The following PCDHA3 variants were observed in gnomAD, a reference collection of about 807,000 sequenced individuals.
PCDHA3 encodes protocadherin alpha 3.
Under a neutral mutation model 62.2 loss-of-function variants are expected in PCDHA3, and 41 were observed. The ratio of observed to expected loss-of-function variants is 0.66; its 90% CI spans 0.51 to 0.86. PCDHA3 has a LOEUF of 0.86. Among genes scored for constraint, PCDHA3 ranks in the 40% least tolerant of loss-of-function variants. PCDHA3 has a pLI of 0.00. For missense variants in PCDHA3, 1,304 were observed against 1,241.2 expected, an observed-to-expected ratio of 1.05 and a Z score of -0.76; for synonymous variants, 640 against 555.4, an observed-to-expected ratio of 1.15 and a Z score of -2.14.
At chr5:140,925,994 G>C (rs1041576118) in intron 1 of PCDHA3, among the ~76,000 whole-genome samples, 1 of 152,138 alleles carries the variant, frequency 6.6e-6, no homozygotes, top group Non-Finnish European at 1.5e-5. Context: ...CGCTGGCTCC[G>C]CTGCCTCGAA....
At chr5:140,877,080 C>T in intron 1 of PCDHA3, 2 of 1,613,062 alleles carry the variant, frequency 1.2e-6, no homozygotes, top group East Asian at 2.2e-5. Context: ...TCCAGGTGAG[C>T]GCGCGCGACG....
intron 1 of PCDHA3, among the ~76,000 whole-genome samples, chr5:140,872,655 G>A (rs1474105243): frequency 6.6e-6 from 1 of 152,046 alleles, no homozygotes; most frequent in African/African-American, 2.4e-5. Context: ...CAAGAGATTT[G>A]TCAACTATTG....
At chr5:140,866,798 C>T (rs900250117) in intron 1 of PCDHA3, 1 of 152,110 alleles carries the variant, frequency 6.6e-6, no homozygotes, top group Non-Finnish European at 1.5e-5. Context: ...TAGTAAAAGT[C>T]AGGCACAAAG....
chr5:140,803,668 ATTAATAG>A (rs1282564617), intron 1 of PCDHA3, 77 bp downstream of exon 1: 2 of 1,599,004 alleles, frequency 1.3e-6, no homozygotes, highest in East Asian at 2.2e-5. Flanking sequence ...CTGGAAATAC[ATTAATAG>A]TTAAGTATGA....
chr5:140,843,509 G>A, intron 1 of PCDHA3: 1 of 1,595,970 alleles, frequency 6.3e-7, no homozygotes. Context: ...GCCCACTGAG[G>A]GCGGGTGCCG....
At chr5:140,883,397 C>T in intron 1 of PCDHA3, 2 of 1,614,170 alleles carry the variant, frequency 1.2e-6, no homozygotes, top group Non-Finnish European at 1.7e-6. Flanking sequence ...TGTGTCCGAT[C>T]GTGACTCTGG....
At chr5:140,837,516 C>CGT (rs149634951) in intron 1 of PCDHA3, among the ~76,000 whole-genome samples, 1 of 151,568 alleles carries the variant, frequency 6.6e-6, no homozygotes. Flanking sequence ...AAGCAGTTTA[C>CGT]TTTTTTTGTA....
chr5:140,944,881 T>C (rs1554216593), intron 1 of PCDHA3, among the ~76,000 whole-genome samples: 1 of 152,180 alleles, frequency 6.6e-6, no homozygotes, highest in Non-Finnish European at 1.5e-5. Flanking sequence ...CCTACTCCAC[T>C]GTACAGTTCC....
intron 3 of PCDHA3, 167 bp from the exon 4 acceptor site, chr5:141,009,456 CAAAT>C (rs2098408902): frequency 8.4e-6 from 8 of 947,642 alleles, no homozygotes; most frequent in African/African-American, 3.5e-5. Context: ...AAAAATTAAA[CAAAT>C]AAATAAATAA....
At chr5:140,966,692 G>A in intron 1 of PCDHA3, 2 of 1,352,080 alleles carry the variant, frequency 1.5e-6, no homozygotes, top group East Asian at 2.9e-5. Context: ...CGGAGGCGGG[G>A]CCCGGGCGTG....
intron 1 of PCDHA3, among the ~76,000 whole-genome samples, chr5:140,917,338 G>GGGGGGGGTGGGT (rs2078134893): frequency 7.3e-6 from 1 of 137,894 alleles, no homozygotes; most frequent in Non-Finnish European, 1.6e-5. Flanking sequence ...GGAGGGGGGG[G>GGGGGGGGTGGGT]ATGGTGTAGG....
At chr5:140,925,420 G>C (rs1332055982) in intron 1 of PCDHA3, among the ~76,000 whole-genome samples, 2 of 152,102 alleles carry the variant, frequency 1.3e-5, no homozygotes, top group Non-Finnish European at 2.9e-5. Flanking sequence ...AAAGGAACTG[G>C]TTGTAGGGTG....
intron 1 of PCDHA3, chr5:140,870,710 CGCGCGATGCGG>C (rs1554164626): frequency 1.2e-6 from 2 of 1,612,974 alleles, no homozygotes; most frequent in African/African-American, 2.7e-5. Context: ...CAGGTGAGCG[CGCGCGATGCGG>C]GCGTGCCGCC....
chr5:140,814,439 G>C (rs1327289390), intron 1 of PCDHA3: 1 of 149,084 alleles, frequency 6.7e-6, no homozygotes, highest in African/African-American at 2.5e-5. Context: ...GTTTTGTGGT[G>C]ACCTTTTTTC....
chr5:140,813,030 AT>A (rs1396274427), intron 1 of PCDHA3: 16 of 152,108 alleles, frequency 1.1e-4, no homozygotes, highest in Non-Finnish European at 2.9e-5. Context: ...ACCTTCTTGA[AT>A]TTGTTAAGAC....
chr5:140,887,954 T>A (rs2061642378), intron 1 of PCDHA3, among the ~76,000 whole-genome samples: 1 of 152,240 alleles, frequency 6.6e-6, no homozygotes, highest in South Asian at 2.1e-4. Context: ...TGTATAAGAT[T>A]CTTTTTGTCT....
intron 1 of PCDHA3, chr5:140,835,868 G>A (rs1454077301): frequency 6.2e-7 from 1 of 1,612,002 alleles, no homozygotes; most frequent in African/African-American, 1.3e-5. Flanking sequence ...ACTCGCTGGT[G>A]GAGCTGCGGG....
chr5:140,886,455 A>G (rs1554182545), intron 1 of PCDHA3, among the ~76,000 whole-genome samples: 1 of 152,186 alleles, frequency 6.6e-6, no homozygotes, highest in African/African-American at 2.4e-5. Flanking sequence ...ATTTTGTCAT[A>G]TATAAATGTT....
At chr5:140,969,957 G>A (rs1554232176) in intron 1 of PCDHA3, among the ~76,000 whole-genome samples, 1 of 152,178 alleles carries the variant, frequency 6.6e-6, no homozygotes, top group East Asian at 1.9e-4. Flanking sequence ...AGTTTGCTTT[G>A]GCTGTATGAT....
Sources: allele counts gnomAD v4.1 joint callset (sites outside exome capture counted in the v4.1 genomes callset), GRCh38; gene constraint gnomAD v4.1.1; transcripts MANE v1.5; gene names NCBI Gene and HGNC (gene_info 2026-07-23, HGNC 2026-07-21).